The following ONECUT1 variants were observed in gnomAD, a reference collection of about 807,000 sequenced individuals.
ONECUT1 encodes the protein hepatocyte nuclear factor 6.
In ONECUT1, 12 loss-of-function variants were observed where a neutral mutation model predicts 25.6. That is an observed-to-expected ratio of 0.47 (90% CI 0.30 to 0.76). The LOEUF (loss-of-function observed/expected upper bound fraction) is 0.76. Ranked by LOEUF, ONECUT1 falls within the 30% of genes least tolerant of loss-of-function variation. ONECUT1 has a pLI of 0.07. For synonymous variants in ONECUT1, 285 were observed against 270.2 expected, an observed-to-expected ratio of 1.05 and a Z score of -0.54; for missense variants, 620 against 651.2, an observed-to-expected ratio of 0.95 and a Z score of 0.52.
intron 1 of ONECUT1, among the ~76,000 whole-genome samples, chr15:52,783,531 CTCCAGACCAGT>C (rs2083854236): frequency 6.6e-6 from 1 of 152,260 alleles, no homozygotes; most frequent in African/African-American, 2.4e-5. Flanking sequence ...CGCGCCAGGG[CTCCAGACCAGT>C]CGGCCTCCGA....
chr15:52,779,585 T>C (rs1337079975), intron 1 of ONECUT1, among the ~76,000 whole-genome samples: 1 of 152,186 alleles, frequency 6.6e-6, no homozygotes, highest in Non-Finnish European at 1.5e-5. Context: ...ATCTGATTGA[T>C]CATTCTTGTC....
chr15:52,762,523 T>C (rs1000584956), intron 1 of ONECUT1, among the ~76,000 whole-genome samples: 2 of 152,182 alleles, frequency 1.3e-5, no homozygotes, highest in Admixed American at 6.5e-5. Context: ...TCAAGCACTG[T>C]AGACGTTACA....
chr15:52,763,789 T>C (rs1415504734), intron 1 of ONECUT1, among the ~76,000 whole-genome samples: 1 of 152,222 alleles, frequency 6.6e-6, no homozygotes, highest in Non-Finnish European at 1.5e-5. Context: ...ACTACTGACC[T>C]GCAACGAGGT....
rs2083672044 is a variant in ONECUT1, at chr15:52,755,971, A to C, written c.*1584T>G. ...ATTTTGTATTTGTAAGCTCAGGTCT[A>C]GTTTTTAATCTGTCCCTGTTAGAGA... On this transcript the variant is annotated 3_prime_UTR_variant, in exon 2 of 2. Transcript: ENST00000305901. Among the ~76,000 whole-genome samples the C allele has an allele frequency of 6.6e-6, 1 of 152,198 alleles. No homozygotes were observed. Among genetic ancestry groups the C allele is most frequent in the Admixed American group, 6.5e-5 (1 of 15,274 alleles).
At chr15:52,759,042 C>A (rs181220371) in intron 1 of ONECUT1, among the ~76,000 whole-genome samples, 14 of 152,304 alleles carry the variant, frequency 9.2e-5, no homozygotes, top group African/African-American at 3.4e-4. Flanking sequence ...CTCTTAGCCC[C>A]CTATGTAGGC....
intron 1 of ONECUT1, among the ~76,000 whole-genome samples, chr15:52,762,130 G>T (rs2083709587): frequency 6.6e-6 from 1 of 152,144 alleles, no homozygotes. Context: ...CATTCAAAAG[G>T]CAGAGCTAAG....
chr15:52,790,037 CCG>C lies in ONECUT1; in HGVS notation c.-155_-154del. On this transcript the variant is annotated 5_prime_UTR_variant, in exon 1 of 2. Transcript: ENST00000305901. Reference sequence around the variant, plus strand: ...GCTCTGTCTCTCTCTCTCTCTCTCTCCGTGTGTGTGTGTCCGTGTGTGCGTGT... The same window carrying C: ...GCTCTGTCTCTCTCTCTCTCTCTCTCTGTGTGTGTGTCCGTGTGTGCGTGT... 1 of 1,157,484 alleles carries C rather than the reference CCG, an allele frequency of 8.6e-7. No individual in the cohort carries two copies. Among genetic ancestry groups the C allele is most frequent in the Non-Finnish European group, 1.1e-6 (1 of 892,302 alleles). The allele number at this position is 1,157,484 out of a possible 1,614,324, so 71.7% of individuals were successfully genotyped here. A position where few individuals can be genotyped will look rare whatever the true frequency, so the allele number is the denominator to read the frequency against.
rs551728218 is a variant in ONECUT1 at position 52,765,893 on chromosome 15, G to A, written c.1106-8046C>T. On this transcript the variant is annotated intron_variant, in intron 1 of 1. Transcript: ENST00000305901. ...GCCATTTGAAAAGCAACACGAGTGA[G>A]CTCTAATTGATACGGCCAAGGAAAT... Among the ~76,000 whole-genome samples the A allele has an allele frequency of 3.3e-5, 5 of 152,372 alleles. No homozygotes were observed. The East Asian group carries it at 5.8e-4, about 18-fold the overall frequency.
chr15:52,779,467 C>T (rs749908263), intron 1 of ONECUT1, among the ~76,000 whole-genome samples: 4 of 151,958 alleles, frequency 2.6e-5, no homozygotes, highest in Non-Finnish European at 4.4e-5. Context: ...GTTATAAAGA[C>T]GGGTGATATT....
At chr15:52,758,327 T>G (rs1366761354) in intron 1 of ONECUT1, among the ~76,000 whole-genome samples, 1 of 152,230 alleles carries the variant, frequency 6.6e-6, no homozygotes, top group African/African-American at 2.4e-5. Context: ...GGGTTTATAG[T>G]CTGCTGCCAG....
chr15:52,776,019 C>T (rs2083797723), intron 1 of ONECUT1, among the ~76,000 whole-genome samples: 1 of 152,176 alleles, frequency 6.6e-6, no homozygotes, highest in South Asian at 2.1e-4. Flanking sequence ...GCTCCTTGTA[C>T]CCAGGGAAGT....
intron 1 of ONECUT1, among the ~76,000 whole-genome samples, chr15:52,776,701 C>T (rs975366395): frequency 3.3e-5 from 5 of 152,198 alleles, no homozygotes; most frequent in South Asian, 2.1e-4. Flanking sequence ...GAGACTTTGT[C>T]GGTATTTATT....
intron 1 of ONECUT1, among the ~76,000 whole-genome samples, chr15:52,773,899 C>A (rs76536349): frequency 6.6e-6 from 1 of 152,122 alleles, no homozygotes; most frequent in Non-Finnish European, 1.5e-5. Flanking sequence ...AAGGCTCTTG[C>A]AAATATCCTC....
intron 1 of ONECUT1, chr15:52,780,650 TC>T: frequency 3.3e-6 from 5 of 1,534,822 alleles, no homozygotes; most frequent in Non-Finnish European, 4.4e-6. Context: ...TAGCCACTCC[TC>T]TCACGCACTT....
intron 1 of ONECUT1, among the ~76,000 whole-genome samples, chr15:52,782,196 T>C (rs1222689366): frequency 2.0e-5 from 3 of 152,220 alleles, no homozygotes; most frequent in African/African-American, 4.8e-5. Context: ...AGAAAATTTC[T>C]AGAAATTAAT....
rs1331277555 is a variant in ONECUT1 at position 52,789,683 on chromosome 15, A to G, written c.202T>C (p.Tyr68His). ...TCAGGGGCCCGGTGGTGGTGGTGGT[A>G]ATCTCCGCCGCCGCTGCCGCCGTCC... is the stretch of plus-strand genomic sequence containing the variant. Reference protein sequence around the residue: ...LLDGGSGGGDYHHHHRAPEHS... With the variant: ...LLDGGSGGGDHHHHHRAPEHS... Residue 68 changes from tyrosine to histidine, a missense_variant, in exon 1 of 2, where the codon TAC (tyrosine) becomes CAC (histidine). Coordinates refer to ENST00000305901, the MANE Select transcript of ONECUT1 (RefSeq NM_004498.4). This position sits in a 1 kb window ranked among gnomAD's most constrained non-coding sequence, Gnocchi z 4.1. 6.7e-7 allele frequency: 1 copy of G among 1,501,744 alleles called. No individual in the cohort carries two copies. Among genetic ancestry groups the G allele is most frequent in the Non-Finnish European group, 8.8e-7 (1 of 1,131,052 alleles). 93.0% of individuals were successfully genotyped at this position (1,501,744 alleles called of 1,614,324 possible).
In ONECUT1 at chr15:52,784,620, G is replaced by A. The variant is rs143096323; in HGVS notation, c.1105+4160C>T. ...CCCGGGTTTATGCCCGTTACACAGAGAGAACTACACAGGGGGAACTATGGT... is the reference window on the plus strand; with the variant it reads ...CCCGGGTTTATGCCCGTTACACAGAAAGAACTACACAGGGGGAACTATGGT... On this transcript the variant is annotated intron_variant, in intron 1 of 1. Transcript: ENST00000305901. The surrounding 1 kb of genome is among the most constrained non-coding windows in gnomAD (Gnocchi z 5.0). Among the ~76,000 whole-genome samples, 3 of 152,332 alleles carry A rather than the reference G, an allele frequency of 2.0e-5. No homozygotes were observed. The highest frequency in any genetic ancestry group is 6.5e-5 in the Admixed American group (1 of 15,310).
intron 1 of ONECUT1, among the ~76,000 whole-genome samples, chr15:52,762,509 G>A (rs2083711719): frequency 6.6e-6 from 1 of 152,110 alleles, no homozygotes; most frequent in South Asian, 2.1e-4. Context: ...CCTGCCCTGG[G>A]ACCTCAAGCA....
Position 52,789,766 on chromosome 15 carries a change from T to G in ONECUT1, c.119A>C (p.His40Pro). Residue 40 changes from histidine to proline, a missense_variant, in exon 1 of 2, where the codon CAC becomes CCC. Physicochemically the swap from His to Pro is moderately conservative, Grantham distance 77 (BLOSUM62 -2). Transcript: ENST00000305901. This position sits in a 1 kb window ranked among gnomAD's most constrained non-coding sequence, Gnocchi z 4.1. ...GSPHARSSVAHRGSHLPPAHP... is the reference protein window; with the variant it reads ...GSPHARSSVAPRGSHLPPAHP... ...CGCGGGGGGCAGGTGGCTGCCGCGG[T>G]GCGCCACGGAGCTGCGCGCGTGGGG... 1 of 1,406,320 alleles carries G rather than the reference T, an allele frequency of 7.1e-7. No individual in the cohort carries two copies. Among genetic ancestry groups the G allele is most frequent in the South Asian group, 1.6e-5 (1 of 62,336 alleles). The allele number at this position is 1,406,320 out of a possible 1,614,324, so 87.1% of individuals were successfully genotyped here.
Sources: allele counts gnomAD v4.1 joint callset (sites outside exome capture counted in the v4.1 genomes callset), GRCh38; gene constraint gnomAD v4.1.1; non-coding constraint Gnocchi (gnomAD v3.1); transcripts MANE v1.5; gene names NCBI Gene and HGNC (gene_info 2026-07-23, HGNC 2026-07-21).